THADA: variants seen among roughly 807,000 people sequenced by gnomAD.
The protein encoded by THADA is THADA armadillo repeat containing.
In THADA, 213 loss-of-function variants were observed where a neutral mutation model predicts 219.8. The observed-to-expected ratio is 0.97, with a 90% confidence interval of 0.87 to 1.09. THADA has a LOEUF of 1.09. THADA is among the 50% of genes least tolerant of loss of function. THADA has a pLI of 0.00. For synonymous variants in THADA, 1,018 were observed against 828.9 expected (o/e 1.23, Z -3.92); for missense variants, 2,956 against 2,311.3 (o/e 1.28, Z -5.72).
intron 29 of THADA, among the ~76,000 whole-genome samples, chr2:43,356,061 G>GA (rs370016231): frequency 1.3e-5 from 2 of 152,220 alleles, no homozygotes; most frequent in African/African-American, 4.8e-5. Flanking sequence ...ATTTAAGACA[G>GA]AAAACGGTTA....
Position 43,556,558 on chromosome 2 carries a change from A to T in THADA, c.2464-3T>A. ...AAGCCTTGCAGTTTCCCCGAATCCTAGAATAAAGCGCAGACTCAGTAACTG... is the reference window on the plus strand; with the variant it reads ...AAGCCTTGCAGTTTCCCCGAATCCTTGAATAAAGCGCAGACTCAGTAACTG... On this transcript the variant is annotated splice_polypyrimidine_tract_variant and splice_region_variant and intron_variant, in intron 16 of 37. Transcript: ENST00000405975. 1 of 1,613,172 alleles carries T rather than the reference A, an allele frequency of 6.2e-7. No homozygotes were observed. Among genetic ancestry groups the T allele is most frequent in the Non-Finnish European group, 8.5e-7 (1 of 1,179,400 alleles).
chr2:43,551,165 C>T (rs1696697961), intron 19 of THADA, among the ~76,000 whole-genome samples: 1 of 152,166 alleles, frequency 6.6e-6, no homozygotes, highest in Non-Finnish European at 1.5e-5. Flanking sequence ...GTTTATGATA[C>T]AGTCAGTTTT....
intron 26 of THADA, among the ~76,000 whole-genome samples, chr2:43,456,857 G>A (rs1683059530): frequency 6.6e-6 from 1 of 152,096 alleles, no homozygotes; most frequent in African/African-American, 2.4e-5. Flanking sequence ...GATACTAAGA[G>A]TACACCAGAG....
chr2:43,272,478 T>C (rs1307417541), intron 36 of THADA, among the ~76,000 whole-genome samples: 2 of 152,140 alleles, frequency 1.3e-5, no homozygotes, highest in African/African-American at 4.8e-5. Flanking sequence ...TAAGTATTTG[T>C]TGAATGAATG....
intron 26 of THADA, among the ~76,000 whole-genome samples, chr2:43,484,040 T>C (rs1686574858): frequency 6.6e-6 from 1 of 151,780 alleles, no homozygotes; most frequent in Non-Finnish European, 1.5e-5. Context: ...AAAATAAAAA[T>C]TATAATCATC....
intron 17 of THADA, among the ~76,000 whole-genome samples, chr2:43,555,780 A>G (rs913436977): frequency 1.3e-5 from 2 of 152,124 alleles, no homozygotes; most frequent in African/African-American, 4.8e-5. Context: ...CCCTTTTCCT[A>G]TTAAAAAAAA....
At chr2:43,298,890 C>T (rs992467098) in intron 31 of THADA, among the ~76,000 whole-genome samples, 2 of 152,184 alleles carry the variant, frequency 1.3e-5, no homozygotes, top group South Asian at 2.1e-4. Flanking sequence ...TGAGTATTAA[C>T]TCTTTAAGTA....
intron 36 of THADA, among the ~76,000 whole-genome samples, chr2:43,264,958 T>C (rs531763601): frequency 2.8e-4 from 42 of 152,366 alleles, no homozygotes; most frequent in Admixed American, 4.6e-4. Flanking sequence ...TCAGCATGGA[T>C]GGAAGGGCGA....
chr2:43,521,122 G>C (rs1228395269), intron 22 of THADA, among the ~76,000 whole-genome samples: 1 of 140,134 alleles, frequency 7.1e-6, no homozygotes, highest in African/African-American at 2.7e-5. Flanking sequence ...AGGGAAGGTA[G>C]GGAAGGGAGG....
At chr2:43,465,067 T>C (rs1684078870) in intron 26 of THADA, among the ~76,000 whole-genome samples, 1 of 152,142 alleles carries the variant, frequency 6.6e-6, no homozygotes, top group African/African-American at 2.4e-5. Context: ...TTTCCCTGCT[T>C]CTCACTATCA....
chr2:43,515,112 T>TATATATAATATATTTTATATATA (rs1691286726), intron 22 of THADA, among the ~76,000 whole-genome samples: 1 of 11,076 alleles, frequency 9.0e-5, no homozygotes, highest in Non-Finnish European at 1.5e-4. Context: ...TAATATATTT[T>TATATATAATATATTTTATATATA]ATATATAATA....
At chr2:43,500,012 A>ACCC (rs1212206246) in intron 24 of THADA, among the ~76,000 whole-genome samples, 1 of 152,126 alleles carries the variant, frequency 6.6e-6, no homozygotes, top group Non-Finnish European at 1.5e-5. Context: ...ACAGAAATAA[A>ACCC]CCCCTGACAT....
chr2:43,288,271 A>T (rs1368873065), intron 34 of THADA, among the ~76,000 whole-genome samples: 1 of 152,180 alleles, frequency 6.6e-6, no homozygotes, highest in African/African-American at 2.4e-5. Flanking sequence ...CACAAAAATT[A>T]GCTGGACATG....
chr2:43,585,349 A>C (rs1466462808), intron 7 of THADA, among the ~76,000 whole-genome samples: 2 of 61,220 alleles, frequency 3.3e-5, no homozygotes, highest in Non-Finnish European at 3.4e-5. Flanking sequence ...ATTCCTACAA[A>C]AAAAAAAAAA....
chr2:43,283,887 G>C (rs1454081332), intron 35 of THADA, among the ~76,000 whole-genome samples: 1 of 152,228 alleles, frequency 6.6e-6, no homozygotes, highest in African/African-American at 2.4e-5. Flanking sequence ...CATAAGTAAA[G>C]AGGAGCCAAG....
At chr2:43,367,639 G>C (rs1285559116) in intron 29 of THADA, among the ~76,000 whole-genome samples, 1 of 152,130 alleles carries the variant, frequency 6.6e-6, no homozygotes, top group African/African-American at 2.4e-5. Context: ...TCTGTCATTA[G>C]AGGCAAGGTA....
At chr2:43,398,615 A>G (rs1321868201) in intron 28 of THADA, among the ~76,000 whole-genome samples, 1 of 152,232 alleles carries the variant, frequency 6.6e-6, no homozygotes, top group Non-Finnish European at 1.5e-5. Flanking sequence ...CATTATGACT[A>G]TAGAAACTCA....
In THADA at chr2:43,586,420, C is replaced by T; in HGVS notation, c.514G>A (p.Glu172Lys). The change falls in exon 7 of 38, where the codon GAA becomes AAA. Residue 172 changes from glutamate (E) to lysine (K), a missense_variant. Glu to Lys is a moderately conservative substitution (Grantham distance 56, BLOSUM62 1). Transcript: ENST00000405975. ...ACTTGCCTATTTTCTTCCAGGATTT[C>T]AATTAAACTCTTCTGCAGAAAATGA... Reference protein sequence around the residue: ...VLHFLQKSLIEILEENRKCAG... With the variant: ...VLHFLQKSLIKILEENRKCAG... 7 of 1,583,486 alleles carry T rather than the reference C, an allele frequency of 4.4e-6. No individual in the cohort carries two copies. Among genetic ancestry groups the T allele is most frequent in the Non-Finnish European group, 6.0e-6 (7 of 1,165,394 alleles).
intron 26 of THADA, among the ~76,000 whole-genome samples, chr2:43,457,036 G>T (rs541107270): frequency 6.6e-6 from 1 of 150,546 alleles, no homozygotes; most frequent in Admixed American, 6.6e-5. Context: ...TTTTATATAC[G>T]TGTGTGTGTG....
Sources: allele counts gnomAD v4.1 joint callset (sites outside exome capture counted in the v4.1 genomes callset), GRCh38; gene constraint gnomAD v4.1.1; transcripts MANE v1.5; gene names NCBI Gene and HGNC (gene_info 2026-07-23, HGNC 2026-07-21).